Variants in PACS1 observed in about 807,000 individuals in gnomAD.
PACS1 encodes PACS-1.
A neutral mutation model predicts 115.0 loss-of-function variants in PACS1; 24 were observed. The observed-to-expected ratio is 0.21, with a 90% CI of 0.15 to 0.29. The LOEUF (loss-of-function observed/expected upper bound fraction) is 0.29, where lower values mean the gene tolerates loss of function less well. Ranked by LOEUF, PACS1 falls within the 10% of genes least tolerant of loss-of-function variation. The probability of loss-of-function intolerance (pLI) is 1.00; values close to 1 mark genes in which losing one functional copy is unlikely to be tolerated. For missense variants in PACS1, 838 were observed against 1,251.2 expected (o/e 0.67, Z 4.98); for synonymous variants, 453 against 504.5 (o/e 0.90, Z 1.37).
chr11:66,158,294 G>A (rs1859405894), intron 1 of PACS1, among the ~76,000 whole-genome samples: 1 of 152,186 alleles, frequency 6.6e-6, no homozygotes, highest in Non-Finnish European at 1.5e-5. Flanking sequence ...AAATTCCTTA[G>A]AGATAAGATG....
intron 1 of PACS1, among the ~76,000 whole-genome samples, chr11:66,119,878 T>TCA (rs1858399683): frequency 6.6e-6 from 1 of 152,094 alleles, no homozygotes; most frequent in Non-Finnish European, 1.5e-5. Context: ...TGTTTGGGGA[T>TCA]TACACTAGAT....
intron 1 of PACS1, among the ~76,000 whole-genome samples, chr11:66,138,043 TTC>T (rs1858888828): frequency 6.6e-6 from 1 of 152,046 alleles, no homozygotes; most frequent in Admixed American, 6.6e-5. Flanking sequence ...AAAATGCAAA[TTC>T]TGATTCAGTA....
At chr11:66,147,602 G>T (rs763542804) in intron 1 of PACS1, among the ~76,000 whole-genome samples, 7 of 152,166 alleles carry the variant, frequency 4.6e-5, no homozygotes, top group Non-Finnish European at 1.0e-4. Flanking sequence ...TTCTAATGTT[G>T]TAATTTTTCT....
chr11:66,113,765 C>A (rs903873892), intron 1 of PACS1, among the ~76,000 whole-genome samples: 2 of 152,186 alleles, frequency 1.3e-5, no homozygotes, highest in African/African-American at 4.8e-5. Context: ...AACTCTTGCT[C>A]TGACATTAAT....
chr11:66,136,386 G>A (rs1414686707), intron 1 of PACS1, among the ~76,000 whole-genome samples: 2 of 151,008 alleles, frequency 1.3e-5, no homozygotes, highest in African/African-American at 4.9e-5. Flanking sequence ...ATATTCCTGA[G>A]TGCAGGAGTT....
intron 1 of PACS1, among the ~76,000 whole-genome samples, chr11:66,084,909 G>C (rs1857541330): frequency 6.6e-6 from 1 of 152,034 alleles, no homozygotes; most frequent in African/African-American, 2.4e-5. Context: ...CCATAGGTTG[G>C]CACCTGATTG....
At chr11:66,142,754 C>A (rs1178018855) in intron 1 of PACS1, among the ~76,000 whole-genome samples, 1 of 151,550 alleles carries the variant, frequency 6.6e-6, no homozygotes, top group African/African-American at 2.4e-5. Flanking sequence ...AATGTCTCTA[C>A]TAAGAGAAAA....
At chr11:66,140,944 T>C (rs1203999239) in intron 1 of PACS1, among the ~76,000 whole-genome samples, 1 of 152,170 alleles carries the variant, frequency 6.6e-6, no homozygotes, top group Non-Finnish European at 1.5e-5. Context: ...TGGTATCTTA[T>C]TGTATGGATC....
chr11:66,232,858 A>C, intron 14 of PACS1, 102 bp from the exon 15 acceptor site: 1 of 844,934 alleles, frequency 1.2e-6, no homozygotes, highest in Non-Finnish European at 2.0e-6. Context: ...TGCAGAGGAC[A>C]GGGGCCCTGC....
intron 4 of PACS1, among the ~76,000 whole-genome samples, chr11:66,214,954 A>G (rs1855164582): frequency 6.6e-6 from 1 of 150,984 alleles, no homozygotes; most frequent in Non-Finnish European, 1.5e-5. Context: ...TCTTTTTTAG[A>G]TGGAGTGTTG....
At chr11:66,174,203 CA>C (rs1324653229) in intron 1 of PACS1, among the ~76,000 whole-genome samples, 1 of 152,086 alleles carries the variant, frequency 6.6e-6, no homozygotes, top group East Asian at 1.9e-4. Flanking sequence ...AATAAAATAA[CA>C]AAAAAATCAA....
chr11:66,138,701 G>A (rs893947034), intron 1 of PACS1, among the ~76,000 whole-genome samples: 4 of 140,874 alleles, frequency 2.8e-5, no homozygotes, highest in Admixed American at 7.1e-5. Context: ...TTTTTTTTTC[G>A]AGACAAAGTC....
chr11:66,210,487 A>G, intron 3 of PACS1, 36 bp downstream of exon 3: 1 of 1,412,056 alleles, frequency 7.1e-7, no homozygotes, highest in Non-Finnish European at 1.0e-6. Context: ...CTAACATGCT[A>G]TATCCTGGCT....
intron 1 of PACS1, among the ~76,000 whole-genome samples, chr11:66,099,979 C>G (rs1211437679): frequency 6.6e-6 from 1 of 152,178 alleles, no homozygotes; most frequent in Non-Finnish European, 1.5e-5. Context: ...CTCCTGGGTT[C>G]AAGCAGTTCT....
intron 1 of PACS1, among the ~76,000 whole-genome samples, chr11:66,150,472 G>GA (rs5792382): frequency 0.44 from 65,337 of 148,616 alleles, 14,354 homozygotes; most frequent in Admixed American, 0.48. Context: ...CACTAAAATA[G>GA]AAAAAAAAAA....
rs145635035 is a variant in PACS1, at chr11:66,082,893, A to G, written c.356+12051A>G. Reference sequence around the variant, plus strand: ...ATAAAATGTCTGAGCATCTATGTTCATAGAAATCATGACCTTCACATCTTT... The same window carrying G: ...ATAAAATGTCTGAGCATCTATGTTCGTAGAAATCATGACCTTCACATCTTT... On this transcript the variant is annotated intron_variant, in intron 1 of 23. Coordinates refer to ENST00000320580, the MANE Select transcript of PACS1 (RefSeq NM_018026.4). Among the ~76,000 whole-genome samples the G allele has an allele frequency of 3.2e-3, 482 of 152,322 alleles. 3 individuals are homozygous for G. The highest frequency in any genetic ancestry group is 0.011 in the African/African-American group (459 of 41,568).
At chr11:66,097,558 C>T (rs957993336) in intron 1 of PACS1, among the ~76,000 whole-genome samples, 1 of 152,150 alleles carries the variant, frequency 6.6e-6, no homozygotes, top group African/African-American at 2.4e-5. Context: ...CTTGGTGGCA[C>T]CTTATAGAGG....
At chr11:66,189,472 A>T (rs1473948382) in intron 1 of PACS1, among the ~76,000 whole-genome samples, 3 of 152,160 alleles carry the variant, frequency 2.0e-5, no homozygotes, top group Non-Finnish European at 4.4e-5. Context: ...TTATCCTATG[A>T]TGTTTTATAT....
intron 1 of PACS1, among the ~76,000 whole-genome samples, chr11:66,113,523 C>T (rs955858962): frequency 6.6e-6 from 1 of 152,126 alleles, no homozygotes; most frequent in Non-Finnish European, 1.5e-5. Flanking sequence ...ACTTTTACAA[C>T]GTAACAAGCA....
Sources: gnomAD v4.1 joint callset for allele counts (sites outside exome capture counted in the v4.1 genomes callset) on GRCh38, gnomAD v4.1.1 for gene constraint, MANE v1.5 for transcripts, NCBI Gene and HGNC (gene_info 2026-07-23, HGNC 2026-07-21) for gene names.